TSHZ2: variants seen among roughly 807,000 people sequenced by gnomAD.
TSHZ2 encodes the protein teashirt homolog 2.
A neutral mutation model predicts 74.4 loss-of-function variants in TSHZ2; 21 were observed. The observed-to-expected ratio is 0.28, with a 90% CI of 0.20 to 0.41. The LOEUF (loss-of-function observed/expected upper bound fraction) is 0.41, where lower values mean the gene tolerates loss of function less well. TSHZ2 is among the 10% of genes least tolerant of loss of function. The probability of loss-of-function intolerance (pLI) is 1.00; values close to 1 mark genes in which losing one functional copy is unlikely to be tolerated. For missense variants in TSHZ2, 1,244 were observed against 1,293.5 expected (o/e 0.96, Z 0.59); for synonymous variants, 540 against 515.3 (o/e 1.05, Z -0.65).
Position 53,454,882 on chromosome 20 carries a change from C to T in TSHZ2, c.*9-32262C>T, listed in dbSNP as rs561077108. Among the ~76,000 whole-genome samples, 22 of 152,308 alleles carry T rather than the reference C, an allele frequency of 1.4e-4. No individual in the cohort carries two copies. The South Asian group carries it at 4.1e-3, about 29-fold the overall frequency. ...CAAGGAACTGAAACTTACCAGATCA[C>T]CACATCTGAACAATGAGACAGAAGA... On this transcript the variant is annotated intron_variant, in intron 2 of 2. Coordinates refer to ENST00000371497, the MANE Select transcript of TSHZ2 (RefSeq NM_173485.6).
At chr20:53,025,219 G>A (rs1195469372) in intron 1 of TSHZ2, among the ~76,000 whole-genome samples, 3 of 151,724 alleles carry the variant, frequency 2.0e-5, no homozygotes, top group Non-Finnish European at 4.4e-5. Context: ...TTTGCTCATA[G>A]TATTTAAAAA....
intron 2 of TSHZ2, among the ~76,000 whole-genome samples, chr20:53,443,631 G>T (rs1169698073): frequency 6.6e-6 from 1 of 152,192 alleles, no homozygotes; most frequent in Non-Finnish European, 1.5e-5. Flanking sequence ...TCATTCTAAG[G>T]CTTAAAGCAA....
chr20:53,157,568 C>T (rs113933522), intron 1 of TSHZ2, among the ~76,000 whole-genome samples: 140 of 151,966 alleles, frequency 9.2e-4, no homozygotes, highest in African/African-American at 2.9e-3. Flanking sequence ...TACCATGCCA[C>T]GCCCCGAATT....
At chr20:53,010,984 CTTAA>C (rs1345465152) in intron 1 of TSHZ2, among the ~76,000 whole-genome samples, 1 of 152,036 alleles carries the variant, frequency 6.6e-6, no homozygotes, top group Non-Finnish European at 1.5e-5. Context: ...ATATTTATAA[CTTAA>C]TTAAATCTGG....
chr20:53,000,629 G>C (rs934338420), intron 1 of TSHZ2, among the ~76,000 whole-genome samples: 1 of 152,148 alleles, frequency 6.6e-6, no homozygotes, highest in Non-Finnish European at 1.5e-5. Context: ...GCAAGTTATA[G>C]AAATGGGATA....
chr20:52,975,393 T>C (rs906836795), intron 1 of TSHZ2, among the ~76,000 whole-genome samples: 1 of 152,186 alleles, frequency 6.6e-6, no homozygotes, highest in Admixed American at 6.5e-5. Flanking sequence ...TGATTATAAT[T>C]ATCCTACGAT....
intron 1 of TSHZ2, among the ~76,000 whole-genome samples, chr20:53,019,585 G>C (rs374897701): frequency 6.6e-6 from 1 of 152,160 alleles, no homozygotes; most frequent in South Asian, 2.1e-4. Context: ...AGGTGAGCTC[G>C]TGTGATGTAA....
chr20:53,253,311 A>C (rs1990369506), intron 1 of TSHZ2, among the ~76,000 whole-genome samples, 188 bp from the exon 2 acceptor site: 1 of 151,944 alleles, frequency 6.6e-6, no homozygotes. Context: ...GAAAAAAAAA[A>C]AAAAAAAAAC....
intron 1 of TSHZ2, among the ~76,000 whole-genome samples, chr20:53,008,437 T>C (rs1013116275): frequency 2.0e-5 from 3 of 152,320 alleles, no homozygotes; most frequent in Non-Finnish European, 4.4e-5. Context: ...AGGCATTTGA[T>C]AGGCTTATAA....
intron 1 of TSHZ2, among the ~76,000 whole-genome samples, chr20:53,202,192 G>A (rs529013889): frequency 1.3e-5 from 2 of 152,242 alleles, no homozygotes; most frequent in East Asian, 3.9e-4. Context: ...GACCTTCCTC[G>A]GTGATTGGAG....
chr20:53,292,446 TA>T (rs1185926127), intron 2 of TSHZ2, among the ~76,000 whole-genome samples: 2 of 79,828 alleles, frequency 2.5e-5, no homozygotes, highest in East Asian at 3.3e-4. Context: ...ACAAACCACC[TA>T]TTTTTTTTTT....
At chr20:53,086,492 G>C (rs1306943787) in intron 1 of TSHZ2, among the ~76,000 whole-genome samples, 4 of 151,972 alleles carry the variant, frequency 2.6e-5, no homozygotes, top group Non-Finnish European at 4.4e-5. Flanking sequence ...TGGAAGGGAA[G>C]GTATGGCTTG....
At chr20:53,312,247 C>T (rs924254599) in intron 2 of TSHZ2, among the ~76,000 whole-genome samples, 15 of 152,136 alleles carry the variant, frequency 9.9e-5, no homozygotes, top group Admixed American at 4.6e-4. Context: ...AGCAGGGTAG[C>T]GCAGTCACCC....
At chr20:53,146,184 C>T (rs1987534845) in intron 1 of TSHZ2, among the ~76,000 whole-genome samples, 1 of 151,792 alleles carries the variant, frequency 6.6e-6, no homozygotes, top group African/African-American at 2.4e-5. Flanking sequence ...GTATATTAAG[C>T]AGATTCATTG....
In TSHZ2 at chr20:52,996,361, A is replaced by G. The variant is rs1259110086; in HGVS notation, c.40+23028A>G. Among the ~76,000 whole-genome samples the G allele has an allele frequency of 6.8e-5, 10 of 148,140 alleles. No homozygotes were observed. The Admixed American group carries it at 6.8e-4, about 10-fold the overall frequency. On this transcript the variant is annotated intron_variant, in intron 1 of 2. Transcript: ENST00000371497. ...TTTATTTATTTATTTATTAGGCAAAATGGGAATTGAGAAGCCTGAAATGAT... is the reference window on the plus strand; with the variant it reads ...TTTATTTATTTATTTATTAGGCAAAGTGGGAATTGAGAAGCCTGAAATGAT...
chr20:53,433,584 G>GACACACAGACAC (rs377070953), intron 2 of TSHZ2, among the ~76,000 whole-genome samples: 124 of 137,158 alleles, frequency 9.0e-4, no homozygotes, highest in East Asian at 8.7e-3. Flanking sequence ...CAGACACACA[G>GACACACAGACAC]ACACACACAC....
chr20:53,102,864 A>G (rs1435556040), intron 1 of TSHZ2, among the ~76,000 whole-genome samples: 1 of 148,538 alleles, frequency 6.7e-6, no homozygotes, highest in Middle Eastern at 3.5e-3. Context: ...TATGACCAGC[A>G]TCTTTCTTTT....
intron 1 of TSHZ2, among the ~76,000 whole-genome samples, chr20:53,187,031 C>T (rs1988616087): frequency 6.6e-6 from 1 of 151,984 alleles, no homozygotes; most frequent in East Asian, 1.9e-4. Context: ...GTGTATATAG[C>T]CAAAATGAGT....
rs544605763 is a variant in TSHZ2 at position 53,363,372 on chromosome 20, G to C, written c.*8+106801G>C. On this transcript the variant is annotated intron_variant, in intron 2 of 2. Coordinates refer to ENST00000371497, the MANE Select transcript of TSHZ2 (RefSeq NM_173485.6). ...TTTGCTTCCAAGAGGGACATTGAGT[G>C]TAACAGGGTTCAAAGCCAGTGCTCC... 2.4e-3 allele frequency among the ~76,000 whole-genome samples: 362 copies of C among 152,364 alleles called. 3 individuals carry two copies. The highest frequency in any genetic ancestry group is 8.2e-3 in the African/African-American group (342 of 41,588).
Sources: gnomAD v4.1 joint callset for allele counts (sites outside exome capture counted in the v4.1 genomes callset) on GRCh38, gnomAD v4.1.1 for gene constraint, MANE v1.5 for transcripts, NCBI Gene and HGNC (gene_info 2026-07-23, HGNC 2026-07-21) for gene names.